Variants in CABLES1 observed in about 807,000 individuals in gnomAD.
CABLES1 encodes Cdk5 and Abl enzyme substrate 1, also known as CDK5 and ABL1 enzyme substrate 1.
CABLES1 carries 36 observed loss-of-function variants against 57.8 expected under a neutral mutation model. That is an observed-to-expected ratio of 0.62 (90% confidence interval 0.48 to 0.82). The LOEUF (loss-of-function observed/expected upper bound fraction) is 0.82, where lower values mean the gene tolerates loss of function less well. Among genes scored for constraint, CABLES1 ranks in the 40% least tolerant of loss-of-function variants. The pLI is 0.00. For synonymous variants in CABLES1, 374 were observed against 363.0 expected (o/e 1.03, Z -0.35); for missense variants, 767 against 836.6 (o/e 0.92, Z 1.03).
intron 7 of CABLES1, among the ~76,000 whole-genome samples, chr18:23,246,546 C>T (rs1015758054): frequency 3.3e-5 from 5 of 151,966 alleles, no homozygotes; most frequent in Non-Finnish European, 5.9e-5. Context: ...CACCCGCCAC[C>T]ACACCCGGCT....
At chr18:23,219,296 A>G in intron 4 of CABLES1, 1 of 454,154 alleles carries the variant, frequency 2.2e-6, no homozygotes, top group South Asian at 1.6e-5. Flanking sequence ...CCAATCATCA[A>G]ACAAAATAGC....
At chr18:23,161,178 C>G (rs2047001306) in intron 1 of CABLES1, among the ~76,000 whole-genome samples, 1 of 152,094 alleles carries the variant, frequency 6.6e-6, no homozygotes, top group South Asian at 2.1e-4. Context: ...CACTGCACTC[C>G]AGCCTGGGTG....
chr18:23,172,873 G>GCTC, intron 1 of CABLES1, among the ~76,000 whole-genome samples: 1 of 152,310 alleles, frequency 6.6e-6, no homozygotes, highest in South Asian at 2.1e-4. Flanking sequence ...AACTTCCTCT[G>GCTC]CTAAGGCCGA....
At chr18:23,236,759 G>T (rs369475030) in intron 6 of CABLES1, among the ~76,000 whole-genome samples, 2 of 152,176 alleles carry the variant, frequency 1.3e-5, no homozygotes, top group African/African-American at 4.8e-5. Context: ...GCACCAAATC[G>T]TGCTGCACAG....
intron 1 of CABLES1, among the ~76,000 whole-genome samples, chr18:23,175,063 A>AC (rs1175603683): frequency 6.6e-6 from 1 of 151,914 alleles, no homozygotes; most frequent in African/African-American, 2.4e-5. Context: ...TACCACAGGC[A>AC]CCCACTTATC....
At chr18:23,217,891 C>T (rs978911377) in intron 4 of CABLES1, among the ~76,000 whole-genome samples, 8 of 152,238 alleles carry the variant, frequency 5.3e-5, no homozygotes, top group Non-Finnish European at 7.3e-5. Context: ...CACAGTGGGG[C>T]GAAGCTCACC....
chr18:23,221,963 G>T (rs1417873603), intron 4 of CABLES1, among the ~76,000 whole-genome samples: 1 of 152,184 alleles, frequency 6.6e-6, no homozygotes, highest in African/African-American at 2.4e-5. Context: ...AGCTTAGAAG[G>T]TGCCTTCCTT....
chr18:23,138,463 T>C (rs369142182), intron 1 of CABLES1, among the ~76,000 whole-genome samples: 1 of 152,234 alleles, frequency 6.6e-6, no homozygotes, highest in Admixed American at 6.5e-5. Context: ...CCTGATAGGC[T>C]TTTATAAAAT....
intron 7 of CABLES1, 86 bp from the exon 8 acceptor site, chr18:23,252,874 A>T: frequency 1.2e-6 from 1 of 818,266 alleles, no homozygotes; most frequent in Non-Finnish European, 2.0e-6. Context: ...TGGCTTTGGG[A>T]GTTGTAAGTT....
chr18:23,137,898 A>T (rs1400464732), intron 1 of CABLES1, among the ~76,000 whole-genome samples: 1 of 152,232 alleles, frequency 6.6e-6, no homozygotes, highest in East Asian at 1.9e-4. Flanking sequence ...CACTGGGCAC[A>T]GGTGACAGCC....
chr18:23,136,038 C>T lies in CABLES1; in HGVS notation c.276C>T (p.Gly92=). The T allele has an allele frequency of 1.8e-6, 2 of 1,136,332 alleles. No homozygotes were observed. Among genetic ancestry groups the T allele is most frequent in the African/African-American group, 3.4e-5 (2 of 59,384 alleles). 70.4% of individuals were successfully genotyped at this position (1,136,332 alleles called of 1,614,324 possible). A position where few individuals can be genotyped will look rare whatever the true frequency, so the allele number is the denominator to read the frequency against. ...DAEWGGGEEG[G]AAKPGAGGAC... ...AGTGGGGCGGTGGCGAGGAGGGCGGCGCGGCCAAGCCGGGCGCCGGCGGCG... is the reference window on the plus strand; with the variant it reads ...AGTGGGGCGGTGGCGAGGAGGGCGGTGCGGCCAAGCCGGGCGCCGGCGGCG... Residue 92 remains glycine, a synonymous_variant, in exon 1 of 10, where the codon GGC becomes GGT. Coordinates refer to ENST00000256925, the MANE Select transcript of CABLES1 (RefSeq NM_001100619.3).
intron 1 of CABLES1, among the ~76,000 whole-genome samples, chr18:23,148,359 A>G (rs1207175511): frequency 6.6e-6 from 1 of 152,018 alleles, no homozygotes; most frequent in Non-Finnish European, 1.5e-5. Context: ...TGTGGCCATG[A>G]TGTGGAGTTG....
chr18:23,257,112 C>A, intron 9 of CABLES1, 115 bp from the exon 10 acceptor site: 1 of 1,200,844 alleles, frequency 8.3e-7, no homozygotes, highest in Non-Finnish European at 1.2e-6. Flanking sequence ...GAGCTTTGCC[C>A]AAAGTGGATT....
chr18:23,148,079 T>G (rs1433073758), intron 1 of CABLES1, among the ~76,000 whole-genome samples: 1 of 145,480 alleles, frequency 6.9e-6, no homozygotes, highest in Admixed American at 7.3e-5. Context: ...AGGCTCCGCC[T>G]CCTGGATTCA....
At chr18:23,218,276 C>CCTCCCGCATCCTCACTTGCCCTGG (rs2047457426) in intron 4 of CABLES1, among the ~76,000 whole-genome samples, 1 of 144,504 alleles carries the variant, frequency 6.9e-6, no homozygotes, top group African/African-American at 2.5e-5. Context: ...ACTTGCCCTG[C>CCTCCCGCATCCTCACTTGCCCTGG]CTCCCGCATC....
intron 4 of CABLES1, among the ~76,000 whole-genome samples, chr18:23,217,245 CTAATTTTTA>C (rs545465791): frequency 6.6e-5 from 10 of 152,152 alleles, no homozygotes; most frequent in African/African-American, 2.4e-4. Context: ...CCACACCCAG[CTAATTTTTA>C]AAATTTTTAG....
chr18:23,213,854 G>A, intron 3 of CABLES1, 123 bp from the exon 4 acceptor site: 1 of 624,150 alleles, frequency 1.6e-6, no homozygotes, highest in African/African-American at 1.8e-5. Flanking sequence ...GCCAGAGGAG[G>A]TGGTGGGAGC....
intron 1 of CABLES1, among the ~76,000 whole-genome samples, chr18:23,137,183 G>C (rs763484404): frequency 7.9e-5 from 12 of 152,220 alleles, no homozygotes; most frequent in South Asian, 4.1e-4. Flanking sequence ...CTAGGCCTAG[G>C]GGGGTGGGGA....
At chr18:23,200,822 G>A (rs903116145) in intron 3 of CABLES1, among the ~76,000 whole-genome samples, 17 of 152,252 alleles carry the variant, frequency 1.1e-4, no homozygotes, top group African/African-American at 3.6e-4. Flanking sequence ...AGAGCAGTGA[G>A]AAGGGCCGGG....
Sources: gnomAD v4.1 joint callset for allele counts (sites outside exome capture counted in the v4.1 genomes callset) on GRCh38, gnomAD v4.1.1 for gene constraint, MANE v1.5 for transcripts, NCBI Gene and HGNC (gene_info 2026-07-23, HGNC 2026-07-21) for gene names.